Variants in ALK observed in about 807,000 individuals in gnomAD.
The protein encoded by ALK is ALK tyrosine kinase receptor.
A neutral mutation model predicts 163.1 loss-of-function variants in ALK; 74 were observed. That is an observed-to-expected ratio of 0.45 (90% CI 0.38 to 0.55). The LOEUF is 0.55. ALK is among the 20% of genes least tolerant of loss of function. ALK has a pLI of 0.00. For synonymous variants in ALK, 960 were observed against 843.2 expected, an observed-to-expected ratio of 1.14 and a Z score of -2.40; for missense variants, 2,063 against 2,105.3, an observed-to-expected ratio of 0.98 and a Z score of 0.39.
intron 4 of ALK, among the ~76,000 whole-genome samples, chr2:29,487,565 A>G (rs531460215): frequency 6.6e-6 from 1 of 152,308 alleles, no homozygotes; most frequent in East Asian, 1.9e-4. Flanking sequence ...TTGAAGTCCT[A>G]TCTCTGTAGC....
intron 4 of ALK, among the ~76,000 whole-genome samples, chr2:29,445,342 G>C (rs1372272423): frequency 6.6e-6 from 1 of 152,168 alleles, no homozygotes; most frequent in Non-Finnish European, 1.5e-5. Context: ...ACTATAAGCT[G>C]CTTATATTTT....
chr2:29,317,249 T>C (rs1017243941), intron 8 of ALK, among the ~76,000 whole-genome samples: 1 of 152,204 alleles, frequency 6.6e-6, no homozygotes, highest in African/African-American at 2.4e-5. Flanking sequence ...AGAGGGTGCA[T>C]AGCTATTCCT....
At chr2:29,205,343 T>C (rs1477157115) in intron 26 of ALK, among the ~76,000 whole-genome samples, 2 of 152,236 alleles carry the variant, frequency 1.3e-5, no homozygotes, top group African/African-American at 4.8e-5. Flanking sequence ...AAGTTCTGTG[T>C]AACACATTGG....
At chr2:29,620,935 GAAC>G (rs1421861988) in intron 3 of ALK, among the ~76,000 whole-genome samples, 1 of 152,158 alleles carries the variant, frequency 6.6e-6, no homozygotes, top group Non-Finnish European at 1.5e-5. Flanking sequence ...TCAAGTAAAA[GAAC>G]AACATCTCAG....
intron 8 of ALK, among the ~76,000 whole-genome samples, chr2:29,313,553 T>C (rs1666749821): frequency 6.6e-6 from 1 of 152,146 alleles, no homozygotes; most frequent in Non-Finnish European, 1.5e-5. Flanking sequence ...TCTGATGCTT[T>C]TGAAGCTCTC....
chr2:29,249,662 AATGCTACCCACCCT>A (rs1664767027), intron 12 of ALK, among the ~76,000 whole-genome samples: 4 of 152,080 alleles, frequency 2.6e-5, no homozygotes, highest in Admixed American at 2.6e-4. Context: ...CACCAATAAT[AATGCTACCCACCCT>A]ATGCTCATAC....
At chr2:29,724,828 C>T (rs913654068) in intron 1 of ALK, among the ~76,000 whole-genome samples, 1 of 152,106 alleles carries the variant, frequency 6.6e-6, no homozygotes, top group Non-Finnish European at 1.5e-5. Context: ...TAAACAGCTC[C>T]CACTCCACCT....
chr2:29,367,125 G>A (rs1488567167), intron 5 of ALK, among the ~76,000 whole-genome samples: 1 of 152,122 alleles, frequency 6.6e-6, no homozygotes, highest in Non-Finnish European at 1.5e-5. Flanking sequence ...TGGATGCCAT[G>A]TGTTCCATTT....
chr2:29,394,150 A>ATAAAT lies in ALK; in HGVS notation c.1155-10292_1155-10291insATTTA, dbSNP rs1669245867. 3.9e-5 allele frequency among the ~76,000 whole-genome samples: 6 copies of ATAAAT among 152,312 alleles called. No individual in the cohort carries two copies. The South Asian group carries it at 1.2e-3, about 32-fold the overall frequency. On this transcript the variant is annotated intron_variant, in intron 4 of 28. Coordinates refer to ENST00000389048, the MANE Select transcript of ALK (RefSeq NM_004304.5). Reference sequence around the variant, plus strand: ...AACATGCATTTAGAAGTTGCAAATTAAAATAAAATATATAAGGATCTAAGT... The same window carrying ATAAAT: ...AACATGCATTTAGAAGTTGCAAATTATAAATAAATAAAATATATAAGGATCTAAGT...
chr2:29,566,101 T>C (rs922447240), intron 3 of ALK, among the ~76,000 whole-genome samples: 9 of 152,134 alleles, frequency 5.9e-5, no homozygotes, highest in African/African-American at 2.2e-4. Context: ...CAGGATGCCA[T>C]GTGAAGTTTG....
chr2:29,195,846 G>T (rs941888962), intron 28 of ALK, among the ~76,000 whole-genome samples: 2 of 152,350 alleles, frequency 1.3e-5, no homozygotes, highest in African/African-American at 2.4e-5. Context: ...ATACAGGGAA[G>T]AGGAGAGCAT....
rs541606493 is a variant in ALK, at chr2:29,254,309, A to C, written c.2042-3042T>G. On this transcript the variant is annotated intron_variant, in intron 11 of 28. Transcript: ENST00000389048. ...ATACATATTCTCTCTCTCTCTCTAT[A>C]TATATATATGAATACATATATGTGT... is the stretch of plus-strand genomic sequence containing the variant. Among the ~76,000 whole-genome samples the C allele has an allele frequency of 5.3e-3, 803 of 151,384 alleles. 1 individual carries two copies. Among genetic ancestry groups the C allele is most frequent in the African/African-American group, 0.01 (414 of 41,372 alleles).
chr2:29,549,313 T>A (rs533865053), intron 3 of ALK, among the ~76,000 whole-genome samples: 2 of 152,320 alleles, frequency 1.3e-5, no homozygotes, highest in East Asian at 3.9e-4. Flanking sequence ...TATGTGGAAA[T>A]CACATTGGCC....
intron 1 of ALK, among the ~76,000 whole-genome samples, chr2:29,847,620 C>A (rs571180550): frequency 4.2e-4 from 64 of 152,188 alleles, no homozygotes; most frequent in African/African-American, 1.4e-3. Context: ...GTGAACATGA[C>A]AATCTAGTTC....
In ALK at chr2:29,227,151, T is replaced by C; in HGVS notation, c.2915-77A>G. On this transcript the variant is annotated intron_variant, in intron 17 of 28. Transcript: ENST00000389048. This position sits in a 1 kb window ranked among gnomAD's most constrained non-coding sequence, Gnocchi z 4.4. The stretch of plus-strand genomic sequence containing the variant: ...CCAGCCTCAGTACTATGTCTCCAGG[T>C]GGTCACTGTGGGTGCTCTGGTGGTC... The C allele has an allele frequency of 6.3e-7, 1 of 1,597,760 alleles. No individual in the cohort carries two copies. The highest frequency in any genetic ancestry group is 8.6e-7 in the Non-Finnish European group (1 of 1,166,572).
chr2:29,428,193 A>G (rs1449794546), intron 4 of ALK, among the ~76,000 whole-genome samples: 1 of 152,014 alleles, frequency 6.6e-6, no homozygotes, highest in Non-Finnish European at 1.5e-5. Context: ...TGTCAAGTGA[A>G]TAACCTCACC....
At chr2:29,699,017 T>A (rs2148293249) in intron 2 of ALK, among the ~76,000 whole-genome samples, 1 of 152,308 alleles carries the variant, frequency 6.6e-6, no homozygotes, top group East Asian at 1.9e-4. Context: ...CCAGGTTAAG[T>A]CTTATTTTCC....
intron 2 of ALK, among the ~76,000 whole-genome samples, chr2:29,707,274 C>A (rs1678937463): frequency 6.6e-6 from 1 of 152,078 alleles, no homozygotes; most frequent in Non-Finnish European, 1.5e-5. Context: ...AGAGACAGGA[C>A]CTACTGGGTG....
chr2:29,808,640 G>C (rs1572396090), intron 1 of ALK, among the ~76,000 whole-genome samples: 1 of 152,138 alleles, frequency 6.6e-6, no homozygotes, highest in South Asian at 2.1e-4. Flanking sequence ...CTGCTGCTCT[G>C]AATGCTCCCC....
Sources: gnomAD v4.1 joint callset for allele counts (sites outside exome capture counted in the v4.1 genomes callset) on GRCh38, gnomAD v4.1.1 for gene constraint, Gnocchi (gnomAD v3.1) non-coding constraint, MANE v1.5 for transcripts, NCBI Gene and HGNC (gene_info 2026-07-23, HGNC 2026-07-21) for gene names.